WIPF1: variants seen among roughly 807,000 people sequenced by gnomAD.
WIPF1 encodes WAS/WASL-interacting protein family member 1.
A neutral mutation model predicts 35.4 loss-of-function variants in WIPF1; 13 were observed. That is an observed-to-expected ratio of 0.37 (90% CI 0.24 to 0.58). WIPF1 has a LOEUF of 0.58. Ranked by LOEUF, WIPF1 falls within the 20% of genes least tolerant of loss-of-function variation. WIPF1 has a pLI of 0.74. For missense variants in WIPF1, 591 were observed against 667.0 expected (o/e 0.89, Z 1.25); for synonymous variants, 267 against 266.3 (o/e 1.00, Z -0.02).
intron 1 of WIPF1, among the ~76,000 whole-genome samples, chr2:174,646,815 A>G (rs1049488445): frequency 1.3e-5 from 2 of 152,038 alleles, no homozygotes; most frequent in African/African-American, 4.8e-5. Context: ...GGGTTTTGCC[A>G]TGTTGCCTAG....
intron 1 of WIPF1, among the ~76,000 whole-genome samples, chr2:174,623,179 A>G (rs1686730086): frequency 6.6e-6 from 1 of 152,230 alleles, no homozygotes. Context: ...TGTAGTGTGT[A>G]TTAGTTAGTC....
At chr2:174,635,944 A>AAC (rs984564269) in intron 1 of WIPF1, among the ~76,000 whole-genome samples, 1 of 152,126 alleles carries the variant, frequency 6.6e-6, no homozygotes, top group African/African-American at 2.4e-5. Context: ...TGGCTTTGAA[A>AAC]ACACACATAA....
intron 1 of WIPF1, among the ~76,000 whole-genome samples, chr2:174,638,132 T>TA (rs1199667156): frequency 8.5e-5 from 13 of 152,186 alleles, no homozygotes; most frequent in Admixed American, 5.9e-4. Context: ...GTGCGGACAT[T>TA]AAAAAAATCC....
chr2:174,645,071 C>A (rs1168179897), intron 1 of WIPF1, among the ~76,000 whole-genome samples: 1 of 152,034 alleles, frequency 6.6e-6, no homozygotes, highest in Non-Finnish European at 1.5e-5. Context: ...GCAAGTAAAC[C>A]TGTCAGTCAC....
At chr2:174,660,525 G>C (rs899200674) in intron 1 of WIPF1, among the ~76,000 whole-genome samples, 25 of 152,086 alleles carry the variant, frequency 1.6e-4, no homozygotes, top group African/African-American at 4.6e-4. Context: ...CCCTAGGGAG[G>C]GGGGAACAGG....
chr2:174,672,709 G>T (rs889408807), intron 1 of WIPF1, among the ~76,000 whole-genome samples: 7 of 152,196 alleles, frequency 4.6e-5, no homozygotes, highest in African/African-American at 1.7e-4. Flanking sequence ...CCCATCGGAG[G>T]CATCACAGAC....
At chr2:174,654,055 C>T (rs1178618188) in intron 1 of WIPF1, among the ~76,000 whole-genome samples, 1 of 152,162 alleles carries the variant, frequency 6.6e-6, no homozygotes, top group Non-Finnish European at 1.5e-5. Flanking sequence ...CCTCTACTTC[C>T]TTGAAGAGAA....
At position 174,613,448 on chromosome 2, in the gene WIPF1, C is replaced by T. The variant is rs960363090; in HGVS notation, c.-38-27837G>A. 7.9e-5 allele frequency among the ~76,000 whole-genome samples: 12 copies of T among 152,314 alleles called. 1 individual carries two copies. Among genetic ancestry groups the T allele is most frequent in the Admixed American group, 3.9e-4 (6 of 15,304 alleles). ...TTGGTGGGCTGTAATTTCCAGTTGTCCTGGGCTAGAAGGACAACTGATCTC... is the reference window on the plus strand; with the variant it reads ...TTGGTGGGCTGTAATTTCCAGTTGTTCTGGGCTAGAAGGACAACTGATCTC... On this transcript the variant is annotated intron_variant, in intron 1 of 8. Coordinates refer to the WIPF1 transcript ENST00000272746.
At chr2:174,582,777 CT>C (rs1685282896) in intron 2 of WIPF1, among the ~76,000 whole-genome samples, 1 of 152,332 alleles carries the variant, frequency 6.6e-6, no homozygotes, top group Non-Finnish European at 1.5e-5. Context: ...CAGAAAAACC[CT>C]GAAGTAGGCT....
At chr2:174,586,220 T>A (rs897762360) in intron 1 of WIPF1, among the ~76,000 whole-genome samples, 2 of 152,030 alleles carry the variant, frequency 1.3e-5, no homozygotes, top group African/African-American at 4.8e-5. Context: ...AACCTTATGT[T>A]TGGAGCACTC....
At chr2:174,578,823 A>C (rs1409935701) in intron 3 of WIPF1, among the ~76,000 whole-genome samples, 3 of 152,358 alleles carry the variant, frequency 2.0e-5, no homozygotes, top group Admixed American at 2.0e-4. Flanking sequence ...TATAAGACTA[A>C]CAATTTCTAG....
chr2:174,607,001 T>C (rs77938847), intron 1 of WIPF1, among the ~76,000 whole-genome samples: 8 of 152,282 alleles, frequency 5.3e-5, no homozygotes, highest in Admixed American at 4.6e-4. Flanking sequence ...CAAGAGAGCA[T>C]GCACAATGAG....
intron 1 of WIPF1, among the ~76,000 whole-genome samples, chr2:174,644,300 T>A (rs1284618122): frequency 6.6e-6 from 1 of 152,232 alleles, no homozygotes; most frequent in African/African-American, 2.4e-5. Context: ...ATTGGTAAAG[T>A]CATTCTGTTG....
intron 1 of WIPF1, among the ~76,000 whole-genome samples, chr2:174,624,776 C>T (rs750632843): frequency 1.2e-4 from 19 of 152,226 alleles, no homozygotes; most frequent in Admixed American, 3.3e-4. Flanking sequence ...GATGACAATT[C>T]GCCAACTGGT....
At chr2:174,649,749 G>A (rs1442001402) in intron 1 of WIPF1, among the ~76,000 whole-genome samples, 1 of 152,086 alleles carries the variant, frequency 6.6e-6, no homozygotes, top group Non-Finnish European at 1.5e-5. Context: ...CTTCTCCCAA[G>A]GCTACTCCTG....
chr2:174,650,889 TTA>T lies in WIPF1; in HGVS notation c.-39+31883_-39+31884del, dbSNP rs370577290. ...GGATGAGAACAATACCATGGCAAAC[TTA>T]TGTCTACAGAGACAGCCCTACAGAC... is the stretch of plus-strand genomic sequence containing the variant. On this transcript the variant is annotated intron_variant, in intron 1 of 8. Coordinates refer to the WIPF1 transcript ENST00000272746. 3.3e-5 allele frequency among the ~76,000 whole-genome samples: 5 copies of T among 152,342 alleles called. No homozygotes were observed. The East Asian group carries it at 7.7e-4, about 23-fold the overall frequency.
chr2:174,642,726 G>A (rs939428267), intron 1 of WIPF1, among the ~76,000 whole-genome samples: 8 of 148,538 alleles, frequency 5.4e-5, no homozygotes, highest in Non-Finnish European at 8.8e-5. Flanking sequence ...CATAGCTTGC[G>A]GAAACCTTGA....
chr2:174,677,867 T>G (rs1559180551), intron 1 of WIPF1, among the ~76,000 whole-genome samples: 3 of 152,196 alleles, frequency 2.0e-5, no homozygotes, highest in Admixed American at 2.0e-4. Context: ...ATAATAAGGC[T>G]GATGTTGAAA....
chr2:174,662,032 A>C (rs985922306), intron 1 of WIPF1, among the ~76,000 whole-genome samples: 1 of 152,200 alleles, frequency 6.6e-6, no homozygotes, highest in Non-Finnish European at 1.5e-5. Flanking sequence ...CCTTGCCCCA[A>C]GTTGACAGAG....
Sources: allele counts gnomAD v4.1 joint callset (sites outside exome capture counted in the v4.1 genomes callset), GRCh38; gene constraint gnomAD v4.1.1; transcripts MANE v1.5; gene names NCBI Gene and HGNC (gene_info 2026-07-23, HGNC 2026-07-21).